Variants in ADGRL3 observed in about 807,000 individuals in gnomAD.
ADGRL3 encodes adhesion G protein-coupled receptor L3.
Under a neutral mutation model 153.5 loss-of-function variants are expected in ADGRL3, and 62 were observed. The ratio of observed to expected loss-of-function variants is 0.40; its 90% CI spans 0.33 to 0.50. The LOEUF (loss-of-function observed/expected upper bound fraction) is 0.50. Among genes scored for constraint, ADGRL3 ranks in the 20% least tolerant of loss-of-function variants. The pLI is 0.47. For missense variants in ADGRL3, 1,641 were observed against 1,859.4 expected, an observed-to-expected ratio of 0.88 and a Z score of 2.16; for synonymous variants, 710 against 672.5, an observed-to-expected ratio of 1.06 and a Z score of -0.86.
In ADGRL3 at chr4:61,406,913, A is replaced by C. The variant is rs112937296; in HGVS notation, c.-174+23724A>C. Among the ~76,000 whole-genome samples the C allele has an allele frequency of 4.9e-3, 746 of 152,166 alleles. 6 individuals carry two copies. Among genetic ancestry groups the C allele is most frequent in the African/African-American group, 0.017 (705 of 41,572 alleles). On this transcript the variant is annotated intron_variant, in intron 2 of 26. Coordinates refer to ENST00000683033, the MANE Select transcript of ADGRL3 (RefSeq NM_001387552.1). ...AACAGTATGCTACATACTACAAATCATTCCATGGAACCAACTGTCATAAAT... is the reference window on the plus strand; with the variant it reads ...AACAGTATGCTACATACTACAAATCCTTCCATGGAACCAACTGTCATAAAT...
intron 19 of ADGRL3, among the ~76,000 whole-genome samples, chr4:61,985,480 A>G (rs1425993172): frequency 1.3e-5 from 2 of 152,136 alleles, no homozygotes; most frequent in East Asian, 3.9e-4. Context: ...ATTAATAAAA[A>G]GATTTTCAAG....
chr4:61,641,593 A>C (rs1352134708), intron 5 of ADGRL3, among the ~76,000 whole-genome samples: 4 of 151,710 alleles, frequency 2.6e-5, no homozygotes, highest in African/African-American at 4.8e-5. Flanking sequence ...AATTTCATCC[A>C]TGTCCCTACA....
At chr4:61,947,256 G>C in intron 16 of ADGRL3, 134 bp downstream of exon 16, 1 of 711,242 alleles carries the variant, frequency 1.4e-6, no homozygotes, top group Non-Finnish European at 2.3e-6. Context: ...ACAATGTAGT[G>C]GTAATTTTTT....
chr4:61,377,395 C>T (rs1240309824), intron 1 of ADGRL3, among the ~76,000 whole-genome samples: 2 of 152,022 alleles, frequency 1.3e-5, no homozygotes, highest in Admixed American at 6.6e-5. Context: ...GAGGATCATT[C>T]TCTGGATTTT....
chr4:61,614,056 G>T (rs1238624230), intron 5 of ADGRL3, among the ~76,000 whole-genome samples: 2 of 151,970 alleles, frequency 1.3e-5, no homozygotes, highest in Admixed American at 6.6e-5. Flanking sequence ...TTGAAAAATA[G>T]TATTTTTACA....
intron 1 of ADGRL3, among the ~76,000 whole-genome samples, chr4:61,250,512 C>T (rs1292843716): frequency 6.6e-6 from 1 of 152,140 alleles, no homozygotes. Flanking sequence ...GAAGGAGCTC[C>T]TATAATCTAT....
At chr4:61,509,477 A>G (rs2098451026) in intron 3 of ADGRL3, among the ~76,000 whole-genome samples, 1 of 152,110 alleles carries the variant, frequency 6.6e-6, no homozygotes, top group African/African-American at 2.4e-5. Context: ...TTCCACTTAT[A>G]AGTCTATGTG....
chr4:61,298,437 A>G (rs1337219632), intron 1 of ADGRL3, among the ~76,000 whole-genome samples: 2 of 152,200 alleles, frequency 1.3e-5, no homozygotes, highest in African/African-American at 2.4e-5. Context: ...GAATCATTTC[A>G]TTAAACAAAA....
chr4:62,013,436 G>T (rs545373266), intron 21 of ADGRL3, among the ~76,000 whole-genome samples: 10 of 152,064 alleles, frequency 6.6e-5, no homozygotes, highest in Admixed American at 3.3e-4. Flanking sequence ...CCGCTACTCA[G>T]GAGACTGACG....
At chr4:61,469,656 GA>G (rs1434873648) in intron 2 of ADGRL3, among the ~76,000 whole-genome samples, 1 of 152,036 alleles carries the variant, frequency 6.6e-6, no homozygotes, top group Non-Finnish European at 1.5e-5. Flanking sequence ...TAGATAAAGA[GA>G]ATAAATAAAT....
At chr4:61,706,126 T>C (rs1202662640) in intron 6 of ADGRL3, among the ~76,000 whole-genome samples, 5 of 152,062 alleles carry the variant, frequency 3.3e-5, no homozygotes, top group Non-Finnish European at 5.9e-5. Context: ...CTACTTCCAA[T>C]AAAAGGCTGT....
chr4:61,918,536 G>A (rs1251251888), intron 13 of ADGRL3, among the ~76,000 whole-genome samples: 1 of 152,066 alleles, frequency 6.6e-6, no homozygotes, highest in Non-Finnish European at 1.5e-5. Flanking sequence ...CTGAGCCCCA[G>A]GACACTGTAA....
rs57550950 is a variant in ADGRL3, at chr4:61,509,124, C to CTTTTTT, written c.56-8176_56-8171dup. 1.0e-3 allele frequency among the ~76,000 whole-genome samples: 118 copies of CTTTTTT among 118,570 alleles called. 1 individual carries two copies. The highest frequency in any genetic ancestry group is 3.5e-3 in the African/African-American group (109 of 31,022). 77.8% of individuals were successfully genotyped at this position (118,570 alleles called of 152,430 possible). ...GCCACAGAGCCAAACCATATCACAT[C>CTTTTTT]TTTTTTTTTTTTTTTTTTTTGAGAC... On this transcript the variant is annotated intron_variant, in intron 3 of 26. Coordinates refer to ENST00000683033, the MANE Select transcript of ADGRL3 (RefSeq NM_001387552.1).
At chr4:61,938,164 C>T (rs1352879581) in intron 15 of ADGRL3, among the ~76,000 whole-genome samples, 1 of 151,974 alleles carries the variant, frequency 6.6e-6, no homozygotes. Flanking sequence ...GGTGGGATGG[C>T]AAAATGACAC....
At chr4:61,268,401 C>A (rs1029131741) in intron 1 of ADGRL3, among the ~76,000 whole-genome samples, 1 of 151,470 alleles carries the variant, frequency 6.6e-6, no homozygotes, top group African/African-American at 2.4e-5. Flanking sequence ...GAATAGTTAT[C>A]TTTTATTTGC....
chr4:62,055,640 T>C (rs571820046), intron 25 of ADGRL3, among the ~76,000 whole-genome samples: 1 of 151,948 alleles, frequency 6.6e-6, no homozygotes, highest in East Asian at 1.9e-4. Flanking sequence ...CTTATGTAAC[T>C]TTGAAAGGTG....
intron 2 of ADGRL3, among the ~76,000 whole-genome samples, chr4:61,430,915 T>C (rs2097348744): frequency 6.6e-6 from 1 of 152,194 alleles, no homozygotes; most frequent in Non-Finnish European, 1.5e-5. Flanking sequence ...TCAGGAAAGC[T>C]TCAAGGTGGT....
chr4:62,053,277 C>T (rs929369382), intron 25 of ADGRL3, among the ~76,000 whole-genome samples: 2 of 151,582 alleles, frequency 1.3e-5, no homozygotes, highest in African/African-American at 2.4e-5. Flanking sequence ...AAAGAAAGTA[C>T]TTAAATTGTA....
Position 61,727,533 on chromosome 4 carries a change from C to A in ADGRL3, c.584-3089C>A, listed in dbSNP as rs2096370224. Among the ~76,000 whole-genome samples the A allele has an allele frequency of 2.0e-5, 3 of 152,052 alleles. No individual in the cohort carries two copies. The South Asian group carries it at 6.2e-4, about 31-fold the overall frequency. ...AAAAAGGCCCTTGCACAGTTGTCAT[C>A]ATGCAATTCATTTATTTATTATCTC... On this transcript the variant is annotated intron_variant, in intron 6 of 26. Transcript: ENST00000683033.
Sources: gnomAD v4.1 joint callset for allele counts (sites outside exome capture counted in the v4.1 genomes callset) on GRCh38, gnomAD v4.1.1 for gene constraint, MANE v1.5 for transcripts, NCBI Gene and HGNC (gene_info 2026-07-23, HGNC 2026-07-21) for gene names.